Variants in MPPED1 observed in about 807,000 individuals in gnomAD.
MPPED1 encodes metallophosphoesterase domain-containing protein 1.
MPPED1 carries 16 observed loss-of-function variants against 36.2 expected under a neutral mutation model. That is an observed-to-expected ratio of 0.44 (90% confidence interval 0.30 to 0.67). The LOEUF (loss-of-function observed/expected upper bound fraction) is 0.67, where lower values mean the gene tolerates loss of function less well. Ranked by LOEUF, MPPED1 falls within the 30% of genes least tolerant of loss-of-function variation. The probability of loss-of-function intolerance (pLI) is 0.10; values close to 1 mark genes in which losing one functional copy is unlikely to be tolerated. For synonymous variants in MPPED1, 199 were observed against 191.3 expected, an observed-to-expected ratio of 1.04 and a Z score of -0.33; for missense variants, 307 against 453.4, an observed-to-expected ratio of 0.68 and a Z score of 2.93.
chr22:43,476,307 T>C (rs866413940), intron 4 of MPPED1, among the ~76,000 whole-genome samples: 1 of 152,066 alleles, frequency 6.6e-6, no homozygotes, highest in African/African-American at 2.4e-5. Flanking sequence ...TCACATATGC[T>C]TAAAAGTGTG....
intron 3 of MPPED1, among the ~76,000 whole-genome samples, chr22:43,464,784 T>G (rs1319039643): frequency 6.6e-6 from 1 of 152,140 alleles, no homozygotes; most frequent in East Asian, 1.9e-4. Context: ...AGGACTTTGG[T>G]TTTAGTTTTC....
At chr22:43,463,331 CTT>C (rs3047468) in intron 3 of MPPED1, among the ~76,000 whole-genome samples, 91 of 121,024 alleles carry the variant, frequency 7.5e-4, no homozygotes, top group South Asian at 3.1e-3. Context: ...ATGATTTTTT[CTT>C]TTTTTTTTTT....
At chr22:43,450,783 A>G (rs991719807) in intron 3 of MPPED1, among the ~76,000 whole-genome samples, 1 of 151,854 alleles carries the variant, frequency 6.6e-6, no homozygotes, top group African/African-American at 2.4e-5. Context: ...CTGGAGTGCA[A>G]TGGTGCCATC....
At chr22:43,487,850 G>A (rs890529895) in intron 4 of MPPED1, among the ~76,000 whole-genome samples, 9 of 152,252 alleles carry the variant, frequency 5.9e-5, no homozygotes, top group Middle Eastern at 3.4e-3. Context: ...CCCTGAGGAT[G>A]AACTGAGCTA....
chr22:43,500,308 T>TGATGGAGGTGGTGGTGATGGC (rs1932668999), intron 5 of MPPED1, among the ~76,000 whole-genome samples: 12 of 65,494 alleles, frequency 1.8e-4, no homozygotes, highest in South Asian at 1.1e-3. Flanking sequence ...GTGGTGATGG[T>TGATGGAGGTGGTGGTGATGGC]GATGGAGGTG....
At position 43,474,773 on chromosome 22, in the gene MPPED1, C is replaced by A. The variant is rs1190051415; in HGVS notation, c.444C>A (p.Gly148=). ...LPYEYKIVIA[G]NHELTFDQEF... is the part of the protein sequence containing the mutation. ...ACGAGTACAAGATCGTGATCGCAGG[C>A]AACCACGAGCTGACCTTTGACCAGG... The change falls in exon 4 of 7, where the codon GGC becomes GGA. Residue 148 remains glycine (G), a synonymous_variant. Coordinates refer to ENST00000443721, the MANE Select transcript of MPPED1 (RefSeq NM_001044370.2). This position sits in a 1 kb window ranked among gnomAD's most constrained non-coding sequence, Gnocchi z 5.2. The A allele has an allele frequency of 2.5e-6, 4 of 1,614,100 alleles. No homozygotes were observed. The highest frequency in any genetic ancestry group is 2.5e-6 in the Non-Finnish European group (3 of 1,179,916).
Position 43,481,074 on chromosome 22 carries a change from C to T in MPPED1, c.632+6113C>T, listed in dbSNP as rs141841892. On this transcript the variant is annotated intron_variant, in intron 4 of 6. Coordinates refer to ENST00000443721, the MANE Select transcript of MPPED1 (RefSeq NM_001044370.2). ...CTGACCTCAAGTGATCCACCTGCCT[C>T]GGCCTCCCAGAGTGCTGGGATTATA... Among the ~76,000 whole-genome samples, 824 of 152,258 alleles carry T rather than the reference C, an allele frequency of 5.4e-3. 11 individuals are homozygous for T. The highest frequency in any genetic ancestry group is 0.019 in the African/African-American group (802 of 41,552).
intron 3 of MPPED1, among the ~76,000 whole-genome samples, chr22:43,441,265 C>A (rs551773891): frequency 6.6e-6 from 1 of 152,314 alleles, no homozygotes; most frequent in Admixed American, 6.5e-5. Flanking sequence ...CCTATGTCCC[C>A]TCTCCTTTCC....
At chr22:43,440,792 G>A (rs1022646113) in intron 3 of MPPED1, among the ~76,000 whole-genome samples, 15 of 152,128 alleles carry the variant, frequency 9.9e-5, no homozygotes, top group Non-Finnish European at 1.6e-4. Flanking sequence ...AGAGGCCACA[G>A]GTGGCTTTGT....
intron 1 of MPPED1, among the ~76,000 whole-genome samples, chr22:43,419,538 G>T (rs771089394): frequency 2.6e-5 from 4 of 151,756 alleles, no homozygotes; most frequent in Non-Finnish European, 5.9e-5. Flanking sequence ...GTGGGAGTGG[G>T]GCTGGGGCCA....
intron 6 of MPPED1, among the ~76,000 whole-genome samples, chr22:43,504,074 ATAG>A (rs372848829): frequency 5.9e-5 from 9 of 152,100 alleles, no homozygotes; most frequent in African/African-American, 2.2e-4. Context: ...GATGGTAGTG[ATAG>A]TAGTAATGAT....
intron 3 of MPPED1, among the ~76,000 whole-genome samples, chr22:43,469,853 A>C (rs866593087): frequency 6.6e-6 from 1 of 152,010 alleles, no homozygotes; most frequent in African/African-American, 2.4e-5. Context: ...TCACCTATCC[A>C]CCCACCCATG....
intron 3 of MPPED1, among the ~76,000 whole-genome samples, chr22:43,462,838 C>G (rs1931001164): frequency 6.6e-6 from 1 of 152,166 alleles, no homozygotes; most frequent in African/African-American, 2.4e-5. Context: ...CACCTTTCTT[C>G]TGTCTTGTAA....
chr22:43,412,167 G>C lies in MPPED1; in HGVS notation c.-79+9G>C, dbSNP rs1472454839. Reference sequence around the variant, plus strand: ...GAGGAGCCCGGGGCCAGGTAGGACCGGAGGCGGGCGGGGCGCGGCGGGCGC... The same window carrying C: ...GAGGAGCCCGGGGCCAGGTAGGACCCGAGGCGGGCGGGGCGCGGCGGGCGC... On this transcript the variant is annotated intron_variant, in intron 1 of 6. Transcript: ENST00000443721. 8 of 979,664 alleles carry C rather than the reference G, an allele frequency of 8.2e-6. No homozygotes were observed. The South Asian group carries it at 2.7e-4, about 34-fold the overall frequency. 60.7% of individuals were successfully genotyped at this position (979,664 alleles called of 1,614,324 possible).
At chr22:43,445,896 T>TTTTC (rs1930326795) in intron 3 of MPPED1, among the ~76,000 whole-genome samples, 1 of 112,132 alleles carries the variant, frequency 8.9e-6, no homozygotes, top group African/African-American at 3.0e-5. Flanking sequence ...TTTTTTTTTT[T>TTTTC]TTTTGAGACA....
chr22:43,462,360 G>T (rs1236841848), intron 3 of MPPED1, among the ~76,000 whole-genome samples: 2 of 152,180 alleles, frequency 1.3e-5, no homozygotes, highest in African/African-American at 4.8e-5. Context: ...CCGAGGCCTG[G>T]TTCCCACTCC....
intron 6 of MPPED1, among the ~76,000 whole-genome samples, chr22:43,503,109 G>A (rs1646282234): frequency 6.6e-6 from 1 of 152,142 alleles, no homozygotes; most frequent in Admixed American, 6.5e-5. Flanking sequence ...TATTTGGTGG[G>A]CACACCATGA....
chr22:43,431,020 AATTTT>A lies in MPPED1; in HGVS notation c.225-4013_225-4009del, dbSNP rs1929661044. On this transcript the variant is annotated intron_variant, in intron 2 of 6. Transcript: ENST00000443721. ...ACTGTCTCTTTCTACTGTTGTTGTT[AATTTT>A]TTTTTTTTTTTTTTTTTTTTTTTTT... Among the ~76,000 whole-genome samples the A allele has an allele frequency of 7.5e-4, 42 of 55,766 alleles. 1 individual carries two copies. Among genetic ancestry groups the A allele is most frequent in the Admixed American group, 2.4e-3 (9 of 3,820 alleles). The allele number at this position is 55,766 out of a possible 152,430, so 36.6% of individuals were successfully genotyped here.
chr22:43,439,027 C>T (rs1320281590), intron 3 of MPPED1, among the ~76,000 whole-genome samples: 1 of 152,206 alleles, frequency 6.6e-6, no homozygotes, highest in Non-Finnish European at 1.5e-5. Flanking sequence ...TCCAGACAGA[C>T]AGGAAGAGAT....
Sources: gnomAD v4.1 joint callset for allele counts (sites outside exome capture counted in the v4.1 genomes callset) on GRCh38, gnomAD v4.1.1 for gene constraint, Gnocchi (gnomAD v3.1) non-coding constraint, MANE v1.5 for transcripts, NCBI Gene and HGNC (gene_info 2026-07-23, HGNC 2026-07-21) for gene names.